TCF7L1: variants seen among roughly 807,000 people sequenced by gnomAD.
TCF7L1 encodes the protein transcription factor 7 like 1, also known as transcription factor 7-like 1.
Under a neutral mutation model 63.7 loss-of-function variants are expected in TCF7L1, and 18 were observed. That is an observed-to-expected ratio of 0.28 (90% CI 0.20 to 0.42). TCF7L1 has a LOEUF of 0.42. Ranked by LOEUF, TCF7L1 falls within the 10% of genes least tolerant of loss-of-function variation. TCF7L1 has a pLI of 1.00. For missense variants in TCF7L1, 654 were observed against 779.3 expected, an observed-to-expected ratio of 0.84 and a Z score of 1.91; for synonymous variants, 355 against 340.9, an observed-to-expected ratio of 1.04 and a Z score of -0.46.
At chr2:85,229,020 CAAAAA>C (rs1182542916) in intron 3 of TCF7L1, among the ~76,000 whole-genome samples, 4 of 57,372 alleles carry the variant, frequency 7.0e-5, no homozygotes, top group Non-Finnish European at 7.7e-5. Context: ...GACTCTGTCT[CAAAAA>C]AAAAAAAAAA....
At chr2:85,149,352 C>T (rs1677956561) in intron 3 of TCF7L1, among the ~76,000 whole-genome samples, 1 of 147,946 alleles carries the variant, frequency 6.8e-6, no homozygotes, top group African/African-American at 2.6e-5. Context: ...TGTATACACA[C>T]ACACACTAAC....
chr2:85,226,654 C>T (rs1040533258), intron 3 of TCF7L1, among the ~76,000 whole-genome samples: 2 of 152,154 alleles, frequency 1.3e-5, no homozygotes, highest in Non-Finnish European at 2.9e-5. Context: ...TCTCTCCCTC[C>T]TGTCCCATAA....
rs67994195 is a variant in TCF7L1, at chr2:85,152,435, C to CTTTT, written c.441+17986_441+17987insTTTT. On this transcript the variant is annotated intron_variant, in intron 3 of 11. Coordinates refer to ENST00000282111, the MANE Select transcript of TCF7L1 (RefSeq NM_031283.3). ...TAAAAGGATATACCATTCTCTCTCT[C>CTTTT]TCTTTTTTTTTTTTTTTGAGACAGA... 1.2e-3 allele frequency among the ~76,000 whole-genome samples: 153 copies of CTTTT among 131,328 alleles called. 2 individuals carry two copies. Among genetic ancestry groups the CTTTT allele is most frequent in the Non-Finnish European group, 1.8e-3 (114 of 63,858 alleles). 86.2% of individuals were successfully genotyped at this position (131,328 alleles called of 152,430 possible). A position where few individuals can be genotyped will look rare whatever the true frequency, so the allele number is the denominator to read the frequency against.
At chr2:85,233,182 C>T (rs1044225224) in intron 3 of TCF7L1, 9 of 152,238 alleles carry the variant, frequency 5.9e-5, no homozygotes, top group African/African-American at 2.2e-4. Context: ...GATCCACCCT[C>T]TTCAGCCTCC....
At chr2:85,255,679 G>A (rs903972182) in intron 3 of TCF7L1, among the ~76,000 whole-genome samples, 1 of 152,138 alleles carries the variant, frequency 6.6e-6, no homozygotes, top group Non-Finnish European at 1.5e-5. Context: ...TGATCCTTTC[G>A]GGCCCCTCCT....
chr2:85,203,748 A>G (rs1457377306), intron 3 of TCF7L1, among the ~76,000 whole-genome samples: 1 of 152,042 alleles, frequency 6.6e-6, no homozygotes, highest in Non-Finnish European at 1.5e-5. Context: ...AAAAAGAAAA[A>G]AAAAGGAAAG....
chr2:85,174,478 AGGTGATGTTGCCCACCT>A (rs1337805130), intron 3 of TCF7L1, among the ~76,000 whole-genome samples: 1 of 152,170 alleles, frequency 6.6e-6, no homozygotes, highest in Non-Finnish European at 1.5e-5. Context: ...TCCAAAAAAG[AGGTGATGTTGCCCACCT>A]GGCAGGTGGG....
At chr2:85,162,568 A>C (rs6740712) in intron 3 of TCF7L1, among the ~76,000 whole-genome samples, 12 of 152,204 alleles carry the variant, frequency 7.9e-5, no homozygotes, top group Non-Finnish European at 1.6e-4. Flanking sequence ...ATTTTAGTCC[A>C]TCATGGGTCA....
intron 3 of TCF7L1, among the ~76,000 whole-genome samples, chr2:85,272,641 A>C (rs1309708469): frequency 2.6e-5 from 4 of 152,076 alleles, no homozygotes; most frequent in South Asian, 2.1e-4. Context: ...CAAAAAAAAA[A>C]AAAATTAGCC....
chr2:85,221,944 A>T (rs1002271264), intron 3 of TCF7L1, among the ~76,000 whole-genome samples: 3 of 151,958 alleles, frequency 2.0e-5, no homozygotes, highest in African/African-American at 7.3e-5. Context: ...AAAAAAAAAA[A>T]ACTACAGGAA....
intron 3 of TCF7L1, among the ~76,000 whole-genome samples, chr2:85,195,392 G>A (rs1410808717): frequency 6.6e-6 from 1 of 152,240 alleles, no homozygotes; most frequent in Non-Finnish European, 1.5e-5. Context: ...CAAGGGTGCA[G>A]TGAGTTGTGA....
intron 3 of TCF7L1, among the ~76,000 whole-genome samples, chr2:85,166,211 T>C (rs1189361453): frequency 1.3e-5 from 2 of 152,152 alleles, no homozygotes; most frequent in Non-Finnish European, 2.9e-5. Flanking sequence ...CCCAGAGTAT[T>C]TGGAGTCCAG....
At chr2:85,159,258 C>T (rs767715409) in intron 3 of TCF7L1, among the ~76,000 whole-genome samples, 11 of 152,116 alleles carry the variant, frequency 7.2e-5, no homozygotes, top group Non-Finnish European at 1.3e-4. Context: ...GACCACCCCT[C>T]GAGCCTGTGT....
chr2:85,230,546 G>A (rs1680053299), intron 3 of TCF7L1, among the ~76,000 whole-genome samples: 1 of 152,132 alleles, frequency 6.6e-6, no homozygotes, highest in Admixed American at 6.6e-5. Flanking sequence ...TGTTGGCCAG[G>A]GTGGTCTCGA....
chr2:85,180,320 G>A (rs1171071717), intron 3 of TCF7L1, among the ~76,000 whole-genome samples: 2 of 149,798 alleles, frequency 1.3e-5, no homozygotes, highest in Admixed American at 6.7e-5. Context: ...TGATTGTCCC[G>A]CCTTGGCCTC....
intron 3 of TCF7L1, among the ~76,000 whole-genome samples, chr2:85,157,498 G>T (rs1171808412): frequency 1.3e-5 from 2 of 152,228 alleles, no homozygotes; most frequent in Non-Finnish European, 2.9e-5. Flanking sequence ...GCAGGGACTG[G>T]CTTGGAAACC....
chr2:85,215,184 C>T (rs558139025), intron 3 of TCF7L1, among the ~76,000 whole-genome samples: 1 of 152,322 alleles, frequency 6.6e-6, no homozygotes, highest in Admixed American at 6.5e-5. Flanking sequence ...AAAACAGTTG[C>T]CCTCTCTCAG....
chr2:85,182,969 C>G (rs1402079504), intron 3 of TCF7L1, among the ~76,000 whole-genome samples: 3 of 152,178 alleles, frequency 2.0e-5, no homozygotes, highest in African/African-American at 7.2e-5. Context: ...AGGGAGCGCA[C>G]TGAGAATCCC....
intron 3 of TCF7L1, among the ~76,000 whole-genome samples, chr2:85,227,571 TTTAAA>T (rs1367562539): frequency 2.0e-5 from 3 of 152,104 alleles, no homozygotes; most frequent in African/African-American, 7.2e-5. Flanking sequence ...AGGACAGTCT[TTTAAA>T]TTATATAAGC....
Sources: gnomAD v4.1 joint callset for allele counts (sites outside exome capture counted in the v4.1 genomes callset) on GRCh38, gnomAD v4.1.1 for gene constraint, MANE v1.5 for transcripts, NCBI Gene and HGNC (gene_info 2026-07-23, HGNC 2026-07-21) for gene names.